The following PTCHD4 variants were observed in gnomAD, a reference collection of about 807,000 sequenced individuals.
The protein encoded by PTCHD4 is patched domain-containing protein 4.
PTCHD4 carries 33 observed loss-of-function variants against 58.1 expected under a neutral mutation model. That is an observed-to-expected ratio of 0.57 (90% CI 0.43 to 0.76). The LOEUF (loss-of-function observed/expected upper bound fraction) is 0.76, where lower values mean the gene tolerates loss of function less well. Among genes scored for constraint, PTCHD4 ranks in the 30% least tolerant of loss-of-function variants. The pLI, the probability that PTCHD4 is intolerant of heterozygous loss-of-function variation, is 0.00. For synonymous variants in PTCHD4, 478 were observed against 409.6 expected (o/e 1.17, Z -2.02); for missense variants, 1,058 against 1,027.1 (o/e 1.03, Z -0.41).
At chr6:47,961,419 G>A (rs1434844145) in intron 4 of PTCHD4, among the ~76,000 whole-genome samples, 1 of 151,416 alleles carries the variant, frequency 6.6e-6, no homozygotes, top group African/African-American at 2.4e-5. Context: ...AGCTTTCCAA[G>A]TAGCTGGGAT....
At chr6:47,962,446 T>C (rs1430774858) in intron 4 of PTCHD4, among the ~76,000 whole-genome samples, 3 of 152,122 alleles carry the variant, frequency 2.0e-5, no homozygotes, top group Non-Finnish European at 4.4e-5. Flanking sequence ...GTAATCCCCA[T>C]AATCCCCAAG....
rs57909290 is a variant in PTCHD4, at chr6:47,872,042, C to G, written c.*6261G>C. On this transcript the variant is annotated 3_prime_UTR_variant, in exon 5 of 5. Transcript: ENST00000339488. The stretch of plus-strand genomic sequence containing the variant: ...GACGGCTTATTCTTTTTTTTTTTTC[C>G]CCAGCTCTATCAGTGTTGCTACCAA... Among the ~76,000 whole-genome samples the G allele has an allele frequency of 6.7e-6, 1 of 149,530 alleles. No homozygotes were observed. The highest frequency in any genetic ancestry group is 2.4e-5 in the African/African-American group (1 of 40,882).
chr6:47,992,736 G>T (rs867555095), intron 4 of PTCHD4, among the ~76,000 whole-genome samples: 2 of 152,160 alleles, frequency 1.3e-5, no homozygotes, highest in African/African-American at 4.8e-5. Context: ...ATGGTGGTTT[G>T]ATACTTTCTT....
chr6:48,085,057 TA>T (rs34861383), intron 1 of PTCHD4, among the ~76,000 whole-genome samples: 23,706 of 144,552 alleles, frequency 0.16, 1,856 homozygotes, highest in African/African-American at 0.21. Context: ...TACTTCTCAT[TA>T]AAAAAAAAAA....
chr6:48,045,961 T>C (rs1342553751), intron 3 of PTCHD4, among the ~76,000 whole-genome samples: 1 of 151,796 alleles, frequency 6.6e-6, no homozygotes, highest in African/African-American at 2.4e-5. Context: ...ATCAAGAATA[T>C]TAGCTATATT....
intron 3 of PTCHD4, among the ~76,000 whole-genome samples, chr6:48,018,272 C>T (rs765587489): frequency 1.3e-5 from 2 of 152,154 alleles, no homozygotes; most frequent in Non-Finnish European, 2.9e-5. Context: ...AATGCCAGCA[C>T]CCTCATCTCC....
intron 1 of PTCHD4, among the ~76,000 whole-genome samples, chr6:48,104,469 A>G (rs912319945): frequency 1.3e-5 from 2 of 152,234 alleles, no homozygotes; most frequent in Non-Finnish European, 2.9e-5. Flanking sequence ...CATGGAAAGG[A>G]ACAACCGGTA....
chr6:48,057,916 T>C (rs776301988), intron 3 of PTCHD4, among the ~76,000 whole-genome samples: 9 of 152,200 alleles, frequency 5.9e-5, no homozygotes, highest in Non-Finnish European at 1.0e-4. Context: ...GGTTTAAGCC[T>C]GATAAATTAT....
chr6:48,042,938 G>C (rs1763895472), intron 3 of PTCHD4, among the ~76,000 whole-genome samples: 1 of 151,940 alleles, frequency 6.6e-6, no homozygotes, highest in South Asian at 2.1e-4. Flanking sequence ...AAGAGCCAAA[G>C]CAAGGTCTGC....
At chr6:47,952,992 A>T (rs1185472947) in intron 4 of PTCHD4, among the ~76,000 whole-genome samples, 1 of 152,104 alleles carries the variant, frequency 6.6e-6, no homozygotes, top group Admixed American at 6.6e-5. Flanking sequence ...ACACACAATT[A>T]TTCTTTAAAA....
intron 1 of PTCHD4, among the ~76,000 whole-genome samples, chr6:48,071,405 T>C (rs1210141728): frequency 6.6e-6 from 1 of 152,140 alleles, no homozygotes; most frequent in Non-Finnish European, 1.5e-5. Flanking sequence ...TTAGGTGCAA[T>C]ATGAAACCAT....
At chr6:47,955,520 G>T (rs115099648) in intron 4 of PTCHD4, among the ~76,000 whole-genome samples, 94 of 152,300 alleles carry the variant, frequency 6.2e-4, no homozygotes, top group African/African-American at 2.3e-3. Flanking sequence ...TGACCATTAT[G>T]GTTGGTTTTG....
chr6:47,986,940 T>A (rs1768087697), intron 4 of PTCHD4, among the ~76,000 whole-genome samples: 1 of 152,132 alleles, frequency 6.6e-6, no homozygotes, highest in African/African-American at 2.4e-5. Context: ...ATACTCTGGA[T>A]AAAGTCAATT....
At chr6:47,970,666 G>A (rs562383678) in intron 4 of PTCHD4, among the ~76,000 whole-genome samples, 1 of 152,312 alleles carries the variant, frequency 6.6e-6, no homozygotes, top group African/African-American at 2.4e-5. Flanking sequence ...AGGAAACACA[G>A]TACTGAAGAG....
At position 47,865,479 on chromosome 6, in the gene PTCHD4, A is replaced by G. The variant is rs116748722; in HGVS notation, c.*12824T>C. Among the ~76,000 whole-genome samples, 5,533 of 152,002 alleles carry G rather than the reference A, an allele frequency of 0.036. 154 individuals are homozygous for G. The highest frequency in any genetic ancestry group is 0.048 in the Non-Finnish European group (3,237 of 67,876). On this transcript the variant is annotated 3_prime_UTR_variant, in exon 5 of 5. Coordinates refer to ENST00000339488, the MANE Select transcript of PTCHD4 (RefSeq NM_001384253.1). ...AAACTATACATTAGAGTATTGTAGT[A>G]AATAGATCACACAGAGCTAATAACT...
chr6:48,059,168 G>C (rs931043120), intron 3 of PTCHD4, among the ~76,000 whole-genome samples: 1 of 152,204 alleles, frequency 6.6e-6, no homozygotes, highest in Non-Finnish European at 1.5e-5. Flanking sequence ...TCACTCGGGA[G>C]CTTGCTTGAA....
At chr6:48,041,539 G>A (rs1763848644) in intron 3 of PTCHD4, among the ~76,000 whole-genome samples, 1 of 152,004 alleles carries the variant, frequency 6.6e-6, no homozygotes, top group Non-Finnish European at 1.5e-5. Flanking sequence ...TCATTAAAGT[G>A]TTTTAATTCA....
At chr6:48,055,135 C>A (rs1363277255) in intron 3 of PTCHD4, among the ~76,000 whole-genome samples, 2 of 152,104 alleles carry the variant, frequency 1.3e-5, no homozygotes, top group African/African-American at 4.8e-5. Flanking sequence ...TAACTGGCTC[C>A]CCTACTAGTC....
intron 4 of PTCHD4, among the ~76,000 whole-genome samples, chr6:47,949,862 CTTGGA>C (rs1456487998): frequency 6.6e-6 from 1 of 151,342 alleles, no homozygotes; most frequent in East Asian, 1.9e-4. Flanking sequence ...CAGTAAGGAA[CTTGGA>C]TTGTTTTTTT....
Sources: allele counts gnomAD v4.1 joint callset (sites outside exome capture counted in the v4.1 genomes callset), GRCh38; gene constraint gnomAD v4.1.1; transcripts MANE v1.5; gene names NCBI Gene and HGNC (gene_info 2026-07-23, HGNC 2026-07-21).